Variants in EIF4G3 observed in about 807,000 individuals in gnomAD.
EIF4G3 encodes eukaryotic translation initiation factor 4 gamma 3, also known as eIF-4-gamma 3.
In EIF4G3, 34 loss-of-function variants were observed where a neutral mutation model predicts 186.4. The ratio of observed to expected loss-of-function variants is 0.18; its 90% CI spans 0.14 to 0.24. The LOEUF (loss-of-function observed/expected upper bound fraction) is 0.24. EIF4G3 is among the 10% of genes least tolerant of loss of function. The probability of loss-of-function intolerance (pLI) is 1.00; values close to 1 mark genes in which losing one functional copy is unlikely to be tolerated. For synonymous variants in EIF4G3, 673 were observed against 679.5 expected (o/e 0.99, Z 0.15); for missense variants, 1,536 against 1,948.5 (o/e 0.79, Z 3.99).
chr1:20,957,757 A>G (rs2096470738), intron 12 of EIF4G3, among the ~76,000 whole-genome samples: 1 of 152,142 alleles, frequency 6.6e-6, no homozygotes, highest in Admixed American at 6.6e-5. Context: ...ATCACTCGAG[A>G]CTACTATGAA....
chr1:20,973,165 G>A (rs1335599703), intron 10 of EIF4G3, 66 bp from the exon 11 acceptor site: 1 of 1,180,752 alleles, frequency 8.5e-7, no homozygotes, highest in African/African-American at 1.5e-5. Flanking sequence ...AACTAGCAAT[G>A]ACACTGTGTC....
At position 20,895,607 on chromosome 1, in the gene EIF4G3, T is replaced by A. The variant is rs1246179592; in HGVS notation, c.2000-106A>T. Reference sequence around the variant, plus strand: ...AACAAACTGCATATACAACTGCATATACAACATTATAGCCCATAAGGCTAT... The same window carrying A: ...AACAAACTGCATATACAACTGCATAAACAACATTATAGCCCATAAGGCTAT... On this transcript the variant is annotated intron_variant, in intron 16 of 36. Coordinates refer to ENST00000602326, the MANE Select transcript of EIF4G3 (RefSeq NM_001391906.1). 4.1e-6 allele frequency: 5 copies of A among 1,216,700 alleles called. No individual in the cohort carries two copies. In the Admixed American group the frequency reaches 6.4e-5, roughly 16 times the overall value. 75.4% of individuals were successfully genotyped at this position (1,216,700 alleles called of 1,614,324 possible).
rs753671843 is a variant in EIF4G3, at chr1:21,176,255, CGCCGCCGCCGCT to C, written c.-364_-353del. The C allele has an allele frequency of 1.3e-5, 5 of 379,698 alleles. No individual in the cohort carries two copies. The highest frequency in any genetic ancestry group is 6.1e-4 in the Middle Eastern group (1 of 1,628). 23.5% of individuals were successfully genotyped at this position (379,698 alleles called of 1,614,324 possible). On this transcript the variant is annotated 5_prime_UTR_variant, in exon 2 of 37. Transcript: ENST00000602326. ...CTGCCGCCGCCGCCGCCGCCGCCGC[CGCCGCCGCCGCT>C]GCTGCCGCCGCCGGGTGAGGAGGCG... is the stretch of plus-strand genomic sequence containing the variant.
chr1:20,937,546 G>A (rs1375593946), intron 14 of EIF4G3, among the ~76,000 whole-genome samples: 2 of 151,898 alleles, frequency 1.3e-5, no homozygotes, highest in Non-Finnish European at 2.9e-5. Context: ...CTATAAGCAA[G>A]AGCCAAAAAA....
intron 2 of EIF4G3, among the ~76,000 whole-genome samples, chr1:21,132,443 A>G (rs574853391): frequency 1.3e-5 from 2 of 152,260 alleles, no homozygotes; most frequent in South Asian, 4.1e-4. Context: ...TTGTCTCTTC[A>G]TAGCTTTTAT....
chr1:21,143,049 G>C (rs1250957485), intron 2 of EIF4G3, among the ~76,000 whole-genome samples: 1 of 152,090 alleles, frequency 6.6e-6, no homozygotes, highest in Non-Finnish European at 1.5e-5. Context: ...AGGAGTTCAA[G>C]ACCAGCCTGA....
chr1:20,904,260 ATTT>A (rs2091387666), intron 15 of EIF4G3, among the ~76,000 whole-genome samples: 2 of 152,180 alleles, frequency 1.3e-5, no homozygotes, highest in African/African-American at 2.4e-5. Context: ...AAAACTCTCC[ATTT>A]TTGTTTACCA....
At chr1:20,889,626 G>A (rs1274259760) in intron 18 of EIF4G3, among the ~76,000 whole-genome samples, 1 of 152,030 alleles carries the variant, frequency 6.6e-6, no homozygotes. Context: ...GAGTAGCTGG[G>A]ACTACAGGCG....
intron 7 of EIF4G3, among the ~76,000 whole-genome samples, chr1:20,985,184 T>C (rs1354632324): frequency 6.6e-6 from 1 of 152,186 alleles, no homozygotes. Flanking sequence ...ACGGGTGGCA[T>C]GTCCCTCAAT....
chr1:21,139,990 T>C (rs1284780946), intron 2 of EIF4G3, among the ~76,000 whole-genome samples: 1 of 152,258 alleles, frequency 6.6e-6, no homozygotes, highest in Non-Finnish European at 1.5e-5. Context: ...AAGGATTCCT[T>C]ACTTGGGTCA....
At chr1:20,818,199 C>T (rs562599426) in intron 33 of EIF4G3, among the ~76,000 whole-genome samples, 8 of 152,236 alleles carry the variant, frequency 5.3e-5, no homozygotes, top group African/African-American at 1.4e-4. Context: ...CACTCTCTTT[C>T]TGCAACCTAT....
chr1:20,934,804 TGTA>T (rs1573093194), intron 14 of EIF4G3, among the ~76,000 whole-genome samples: 2 of 152,152 alleles, frequency 1.3e-5, no homozygotes, highest in East Asian at 3.9e-4. Context: ...TCACAGATTT[TGTA>T]CAGGGTAGCT....
At chr1:20,831,920 C>T (rs1427501566) in intron 30 of EIF4G3, among the ~76,000 whole-genome samples, 4 of 139,544 alleles carry the variant, frequency 2.9e-5, no homozygotes, top group Non-Finnish European at 3.1e-5. Flanking sequence ...CATCCATGTC[C>T]CTACAAAGGA....
At chr1:21,102,509 TAATA>T (rs1332930003) in intron 2 of EIF4G3, among the ~76,000 whole-genome samples, 2 of 152,248 alleles carry the variant, frequency 1.3e-5, no homozygotes, top group Non-Finnish European at 2.9e-5. Flanking sequence ...GGTGCTATGT[TAATA>T]AATGGACAAT....
At chr1:20,981,918 T>C (rs566288187) in intron 8 of EIF4G3, among the ~76,000 whole-genome samples, 4 of 152,290 alleles carry the variant, frequency 2.6e-5, no homozygotes, top group South Asian at 2.1e-4. Context: ...TGGTTCATTA[T>C]CAAATCATTA....
chr1:21,010,419 C>CAAAAAAAAAAAAAAAAAAGAAAAAAAA (rs2086663958), intron 4 of EIF4G3, among the ~76,000 whole-genome samples: 1 of 101,154 alleles, frequency 9.9e-6, no homozygotes, highest in Non-Finnish European at 2.0e-5. Flanking sequence ...GACTCTGTCT[C>CAAAAAAAAAAAAAAAAAAGAAAAAAAA]AAAAAAAAAA....
intron 12 of EIF4G3, among the ~76,000 whole-genome samples, chr1:20,954,698 G>A (rs1354345465): frequency 1.3e-5 from 2 of 152,160 alleles, no homozygotes; most frequent in East Asian, 1.9e-4. Context: ...TGTTTAACTT[G>A]TACAAAACAC....
At chr1:21,161,000 G>T (rs373271356) in intron 2 of EIF4G3, among the ~76,000 whole-genome samples, 1 of 151,478 alleles carries the variant, frequency 6.6e-6, no homozygotes, top group Admixed American at 6.6e-5. Context: ...GTGAAACCCC[G>T]TCTCTAATAA....
At chr1:20,854,613 G>A (rs1412724159) in intron 26 of EIF4G3, among the ~76,000 whole-genome samples, 2 of 151,610 alleles carry the variant, frequency 1.3e-5, no homozygotes, top group African/African-American at 2.4e-5. Flanking sequence ...ACTGAGGCAG[G>A]AAGATTGCTT....
Sources: allele counts gnomAD v4.1 joint callset (sites outside exome capture counted in the v4.1 genomes callset), GRCh38; gene constraint gnomAD v4.1.1; transcripts MANE v1.5; gene names NCBI Gene and HGNC (gene_info 2026-07-23, HGNC 2026-07-21).